The following CDC14B variants were observed in gnomAD, a reference collection of about 807,000 sequenced individuals.
The protein encoded by CDC14B is dual specificity protein phosphatase CDC14B.
A neutral mutation model predicts 64.2 loss-of-function variants in CDC14B; 22 were observed. The ratio of observed to expected loss-of-function variants is 0.34; its 90% CI spans 0.24 to 0.49. CDC14B has a LOEUF of 0.49. CDC14B is among the 20% of genes least tolerant of loss of function. The pLI is 0.99. For missense variants in CDC14B, 498 were observed against 629.9 expected, an observed-to-expected ratio of 0.79 and a Z score of 2.24; for synonymous variants, 191 against 215.8, an observed-to-expected ratio of 0.89 and a Z score of 1.01.
At chr9:96,587,066 A>G (rs1216368520) in intron 1 of CDC14B, among the ~76,000 whole-genome samples, 2 of 152,094 alleles carry the variant, frequency 1.3e-5, no homozygotes, top group Admixed American at 6.6e-5. Flanking sequence ...CCAGCTACTC[A>G]GGAGGCTGAG....
chr9:96,578,048 A>C (rs1054171976), intron 1 of CDC14B, among the ~76,000 whole-genome samples: 4 of 152,218 alleles, frequency 2.6e-5, no homozygotes, highest in African/African-American at 9.6e-5. Context: ...AACCAAATTT[A>C]CAGAACACAC....
rs1192002972 is a variant in CDC14B at position 96,548,961 on chromosome 9, A to G, written c.497+2835T>C. Among the ~76,000 whole-genome samples the G allele has an allele frequency of 6.6e-5, 10 of 152,332 alleles. No individual in the cohort carries two copies. The South Asian group carries it at 2.1e-3, about 32-fold the overall frequency. On this transcript the variant is annotated intron_variant, in intron 5 of 13. Coordinates refer to ENST00000375241, the MANE Select transcript of CDC14B (RefSeq NM_033331.4). ...ATACTTTGTTGGTCATATTTATTCT[A>G]TGTACTTAAAGTGGCAAGATACAAA...
chr9:96,577,159 G>C (rs1167176960), intron 1 of CDC14B, among the ~76,000 whole-genome samples: 1 of 151,778 alleles, frequency 6.6e-6, no homozygotes, highest in Admixed American at 6.6e-5. Flanking sequence ...TCTGAGGCAG[G>C]AGAATTGCTT....
downstream of CDC14B, among the ~76,000 whole-genome samples, chr9:96,495,448 C>T (rs1833204649): frequency 1.5e-5 from 2 of 134,630 alleles, no homozygotes; most frequent in Non-Finnish European, 3.1e-5. Flanking sequence ...CTTCAGTGTG[C>T]CTGGCACTCC....
At chr9:96,538,828 G>A (rs1489137147) in intron 7 of CDC14B, 8 of 383,670 alleles carry the variant, frequency 2.1e-5, no homozygotes, top group Non-Finnish European at 3.8e-5. Flanking sequence ...GATCTAATGT[G>A]TGTACTGTAT....
At chr9:96,573,838 C>CA (rs898821576) in intron 1 of CDC14B, among the ~76,000 whole-genome samples, 1 of 151,894 alleles carries the variant, frequency 6.6e-6, no homozygotes, top group East Asian at 1.9e-4. Flanking sequence ...CCAAGAAGAA[C>CA]AAAAAACATT....
At chr9:96,601,875 C>T (rs1042157970) in intron 1 of CDC14B, among the ~76,000 whole-genome samples, 4 of 148,544 alleles carry the variant, frequency 2.7e-5, no homozygotes, top group Non-Finnish European at 5.9e-5. Context: ...CTGGCTAACA[C>T]AGTGAAATCC....
At chr9:96,499,735 G>A (rs1157830394), downstream of CDC14B, among the ~76,000 whole-genome samples, 2 of 152,220 alleles carry the variant, frequency 1.3e-5, no homozygotes, top group African/African-American at 4.8e-5. Context: ...CTTTAACGAC[G>A]TGGTGAAGTT....
chr9:96,582,606 C>A (rs1291715692), intron 1 of CDC14B, among the ~76,000 whole-genome samples: 2 of 152,232 alleles, frequency 1.3e-5, no homozygotes, highest in South Asian at 4.1e-4. Flanking sequence ...GGTGTACTTT[C>A]GTGACAAAAC....
intron 9 of CDC14B, 148 bp downstream of exon 9, chr9:96,533,779 C>T: frequency 3.6e-6 from 2 of 551,330 alleles, no homozygotes. Context: ...AGTTACTATA[C>T]TTTTCATCTG....
At chr9:96,600,005 C>T (rs1475861662) in intron 1 of CDC14B, among the ~76,000 whole-genome samples, 2 of 152,150 alleles carry the variant, frequency 1.3e-5, no homozygotes, top group Non-Finnish European at 2.9e-5. Context: ...GCTGGGATTA[C>T]AGGCATGAGC....
At chr9:96,618,481 G>A (rs1232412162) in intron 1 of CDC14B, 2 of 533,294 alleles carry the variant, frequency 3.8e-6, no homozygotes, top group Admixed American at 3.9e-5. Context: ...GCTATCGAAG[G>A]GCTGCTTGGC....
intron 1 of CDC14B, among the ~76,000 whole-genome samples, chr9:96,580,803 G>GT (rs533660193): frequency 1.3e-3 from 194 of 152,208 alleles, no homozygotes; most frequent in Admixed American, 2.6e-3. Context: ...AGTTAATAAA[G>GT]TAGATCAATA....
chr9:96,619,276 T>C lies in CDC14B; in HGVS notation c.103A>G (p.Thr35Ala). The C allele has an allele frequency of 7.3e-7, 1 of 1,361,148 alleles. No individual in the cohort carries two copies. Among genetic ancestry groups the C allele is most frequent in the Non-Finnish European group, 9.5e-7 (1 of 1,051,578 alleles). 84.3% of individuals were successfully genotyped at this position (1,361,148 alleles called of 1,614,324 possible). Reference sequence around the variant, plus strand: ...TCCCGGCGGCGCGGGTCTTGCTGCGTGGAGCTGCGGATCTTCTTCACACCC... The same window carrying C: ...TCCCGGCGGCGCGGGTCTTGCTGCGCGGAGCTGCGGATCTTCTTCACACCC... ...SPGVKKIRSS[T>A]QQDPRRRDPQ... The change falls in exon 1 of 14, where the codon ACG (threonine) becomes GCG (alanine). Residue 35 changes from threonine (T) to alanine (A), a missense_variant. Transcript: ENST00000375241.
intron 13 of CDC14B, among the ~76,000 whole-genome samples, chr9:96,493,403 C>T (rs548053970): frequency 2.0e-5 from 3 of 152,290 alleles, no homozygotes; most frequent in Middle Eastern, 3.4e-3. Flanking sequence ...GGGCTGCGGG[C>T]GTGAGAGGCT....
rs563593941 is a variant in CDC14B at position 96,500,489 on chromosome 9, A to G, written c.*3264T>C. On this transcript the variant is annotated 3_prime_UTR_variant, in exon 14 of 14. Transcript: ENST00000375241. The stretch of plus-strand genomic sequence containing the variant: ...ACTGCAGTACTATCATCGGATGAAC[A>G]TGTCTGCTGACAATTCTACCAGGTA... 4 of 151,010 alleles carry G rather than the reference A, an allele frequency of 2.6e-5. No homozygotes were observed. The East Asian group carries it at 7.7e-4, about 29-fold the overall frequency. 9.4% of individuals were successfully genotyped at this position (151,010 alleles called of 1,614,324 possible). A position where few individuals can be genotyped will look rare whatever the true frequency, so the allele number is the denominator to read the frequency against.
intron 1 of CDC14B, among the ~76,000 whole-genome samples, chr9:96,579,524 T>A (rs1200267723): frequency 1.3e-5 from 2 of 150,660 alleles, no homozygotes; most frequent in African/African-American, 4.9e-5. Context: ...AGGCGGAGCT[T>A]GCAGTGAGCC....
intron 1 of CDC14B, among the ~76,000 whole-genome samples, chr9:96,575,253 G>A (rs950910866): frequency 2.6e-5 from 4 of 152,192 alleles, no homozygotes; most frequent in East Asian, 1.9e-4. Flanking sequence ...GGCTGCTTGC[G>A]CAAGTAATTC....
At chr9:96,531,160 T>C (rs969115143) in intron 9 of CDC14B, among the ~76,000 whole-genome samples, 1 of 152,234 alleles carries the variant, frequency 6.6e-6, no homozygotes, top group Non-Finnish European at 1.5e-5. Context: ...GCTGACCTTA[T>C]TGAGTTAGAA....
Sources: allele counts gnomAD v4.1 joint callset (sites outside exome capture counted in the v4.1 genomes callset), GRCh38; gene constraint gnomAD v4.1.1; transcripts MANE v1.5; gene names NCBI Gene and HGNC (gene_info 2026-07-23, HGNC 2026-07-21).